The following OTOL1 variants were observed in gnomAD, a reference collection of about 807,000 sequenced individuals.
The protein encoded by OTOL1 is otolin-1.
OTOL1 carries 31 observed loss-of-function variants against 25.0 expected under a neutral mutation model. The observed-to-expected ratio is 1.24, with a 90% confidence interval of 0.93 to 1.67. The LOEUF is 1.67. Among genes scored for constraint, OTOL1 ranks in the 40% most tolerant of loss-of-function variants. OTOL1 has a pLI of 0.00. For missense variants in OTOL1, 654 were observed against 587.7 expected, an observed-to-expected ratio of 1.11 and a Z score of -1.17; for synonymous variants, 225 against 210.3, an observed-to-expected ratio of 1.07 and a Z score of -0.61.
At chr3:161,499,710 A>ATT (rs1484481822) in intron 2 of OTOL1, among the ~76,000 whole-genome samples, 1 of 152,150 alleles carries the variant, frequency 6.6e-6, no homozygotes. Context: ...GCTAAGAAGA[A>ATT]TTTAATATAT....
chr3:161,500,786 C>T (rs1272126675), intron 2 of OTOL1, among the ~76,000 whole-genome samples: 1 of 152,120 alleles, frequency 6.6e-6, no homozygotes, highest in African/African-American at 2.4e-5. Flanking sequence ...TTCCTGATGG[C>T]CTAAGGTTTA....
At chr3:161,502,543 G>GAGA (rs1370063746) in intron 3 of OTOL1, among the ~76,000 whole-genome samples, 174 bp downstream of exon 3, 1 of 152,124 alleles carries the variant, frequency 6.6e-6, no homozygotes, top group African/African-American at 2.4e-5. Context: ...TAGGAATTTG[G>GAGA]AGACCAGGTA....
Position 161,503,276 on chromosome 3 carries a change from A to G in OTOL1, c.768A>G (p.Lys256=). 7.3e-7 allele frequency: 1 copy of G among 1,374,858 alleles called. No homozygotes were observed. Among genetic ancestry groups the G allele is most frequent in the South Asian group, 1.5e-5 (1 of 68,572 alleles). 85.2% of individuals were successfully genotyped at this position (1,374,858 alleles called of 1,614,324 possible). ...GGGAGAGGGGAGGAAAAGGACAGAA[A>G]GGTGAGGGGGGTATGAAAGGGGAAA... ...DSGERGGKGQ[K]GEGGMKGEKG... The change falls in exon 4 of 4, where the codon AAA becomes AAG. Residue 256 remains lysine (K), a synonymous_variant. Transcript: ENST00000327928.
At chr3:161,500,186 A>G (rs768940214) in intron 2 of OTOL1, among the ~76,000 whole-genome samples, 2 of 152,206 alleles carry the variant, frequency 1.3e-5, no homozygotes, top group African/African-American at 2.4e-5. Flanking sequence ...GGAACTGCCT[A>G]ACTCATTTCT....
Position 161,503,263 on chromosome 3 carries a change from GA to G in OTOL1, c.759del (p.Gly254AspfsTer8). The stretch of plus-strand genomic sequence containing the variant: ...TGTGGAGATTCTGGGGAGAGGGGAG[GA>G]AAAGGACAGAAAGGTGAGGGGGGTA... ...GCCGDSGERGGKGQKGEGGMK... is the reference protein window; with the variant it reads ...GCCGDSGERGXKGQKGEGGMK... On this transcript the variant is annotated frameshift_variant, in exon 4 of 4. Transcript: ENST00000327928. LOFTEE classifies it low-confidence loss of function (END_TRUNC). The G allele has an allele frequency of 1.6e-6, 2 of 1,265,998 alleles. No homozygotes were observed. The highest frequency in any genetic ancestry group is 2.0e-6 in the Non-Finnish European group (2 of 984,968). 78.4% of individuals were successfully genotyped at this position (1,265,998 alleles called of 1,614,324 possible). A position where few individuals can be genotyped will look rare whatever the true frequency, so the allele number is the denominator to read the frequency against.
At chr3:161,502,499 T>C in intron 3 of OTOL1, 130 bp downstream of exon 3, 1 of 797,584 alleles carries the variant, frequency 1.3e-6, no homozygotes, top group South Asian at 1.7e-5. Context: ...CTTCTAATAA[T>C]TCAGTGTACT....
chr3:161,497,313 T>A (rs1718859054), intron 1 of OTOL1, 142 bp downstream of exon 1: 1 of 958,706 alleles, frequency 1.0e-6, no homozygotes. Context: ...GTTACAAATG[T>A]AAATGGGTGC....
At chr3:161,499,622 G>A (rs1365456918) in intron 2 of OTOL1, among the ~76,000 whole-genome samples, 1 of 152,090 alleles carries the variant, frequency 6.6e-6, no homozygotes, top group African/African-American at 2.4e-5. Flanking sequence ...TCCTTTGGAT[G>A]CAAATAATTT....
intron 1 of OTOL1, among the ~76,000 whole-genome samples, chr3:161,498,016 T>C (rs1007236782): frequency 6.6e-6 from 1 of 152,108 alleles, no homozygotes; most frequent in South Asian, 2.1e-4. Flanking sequence ...CATCCCTTTG[T>C]AGGGACCTTT....
At chr3:161,499,935 A>T (rs549751332) in intron 2 of OTOL1, among the ~76,000 whole-genome samples, 4 of 152,148 alleles carry the variant, frequency 2.6e-5, no homozygotes, top group Admixed American at 2.6e-4. Context: ...CAAGCTCAGA[A>T]ATTCTGTAAT....
chr3:161,496,939 A>T lies in OTOL1; in HGVS notation c.132A>T (p.Leu44=). Residue 44 remains leucine (L), a synonymous_variant, in exon 1 of 4, where the codon CTA becomes CTT. Coordinates refer to ENST00000327928, the MANE Select transcript of OTOL1 (RefSeq NM_001080440.1). ...AGGAAAGAGAGATGCCAAAGGGTCT[A>T]AAGCCATCCAGTGGCCCACCTCCAG... ...KSEEREMPKG[L]KPSSGPPPEE... is the part of the protein sequence containing the mutation. 1 of 1,613,532 alleles carries T rather than the reference A, an allele frequency of 6.2e-7. No homozygotes were observed. Among genetic ancestry groups the T allele is most frequent in the Non-Finnish European group, 8.5e-7 (1 of 1,179,648 alleles).
Position 161,497,058 on chromosome 3 carries a change from T to C in OTOL1, c.251T>C (p.Leu84Pro). 1 of 1,613,740 alleles carries C rather than the reference T, an allele frequency of 6.2e-7. No homozygotes were observed. The highest frequency in any genetic ancestry group is 8.5e-7 in the Non-Finnish European group (1 of 1,179,690). The part of the protein sequence containing the change: ...ALDSVFGTAT[L>P]SPFENFTLDP... ...GATTCTGTCTTTGGCACTGCCACTC[T>C]CTCTCCCTTTGAAAACTTCACTCTT... The change falls in exon 1 of 4, where the codon CTC (leucine) becomes CCC (proline). Residue 84 changes from leucine to proline, a missense_variant. Coordinates refer to ENST00000327928, the MANE Select transcript of OTOL1 (RefSeq NM_001080440.1).
chr3:161,502,677 G>A (rs908273255), intron 3 of OTOL1, among the ~76,000 whole-genome samples: 3 of 152,130 alleles, frequency 2.0e-5, no homozygotes, highest in African/African-American at 4.8e-5. Context: ...TGGGGATTTA[G>A]GGGAATACCT....
chr3:161,497,321 T>A, intron 1 of OTOL1, 150 bp downstream of exon 1: 2 of 887,778 alleles, frequency 2.3e-6, no homozygotes, highest in Non-Finnish European at 3.3e-6. Context: ...TGTAAATGGG[T>A]GCTGTGTTGC....
Position 161,502,289 on chromosome 3 carries a change from A to G in OTOL1, c.455-18A>G. On this transcript the variant is annotated intron_variant, in intron 2 of 3. Coordinates refer to ENST00000327928, the MANE Select transcript of OTOL1 (RefSeq NM_001080440.1). ...AAATGATGTAGTTGGTAAAAAGTTA[A>G]TCTTGGTATCATCTTAGGACTCAAA... 2 of 1,605,938 alleles carry G rather than the reference A, an allele frequency of 1.2e-6. No individual in the cohort carries two copies. Among genetic ancestry groups the G allele is most frequent in the Non-Finnish European group, 1.7e-6 (2 of 1,173,916 alleles).
intron 2 of OTOL1, among the ~76,000 whole-genome samples, chr3:161,500,495 T>TATA (rs1718949417): frequency 6.6e-6 from 1 of 152,230 alleles, no homozygotes; most frequent in Non-Finnish European, 1.5e-5. Context: ...AGCCATTCTT[T>TATA]ATAAAGTAGC....
Position 161,502,316 on chromosome 3 carries a change from G to T in OTOL1, c.464G>T (p.Gly155Val). 1 of 1,613,200 alleles carries T rather than the reference G, an allele frequency of 6.2e-7. No individual in the cohort carries two copies. The highest frequency in any genetic ancestry group is 1.1e-5 in the South Asian group (1 of 90,880). The change falls in exon 3 of 4, where the codon GGA (glycine) becomes GTA (valine). Residue 155 changes from glycine (G) to valine (V), a missense_variant. Gly to Val is a moderately radical substitution (Grantham distance 109, BLOSUM62 -3). Transcript: ENST00000327928. Reference protein sequence around the residue: ...RGYKGEKGLKGERGDQGVPGY... With the variant: ...RGYKGEKGLKVERGDQGVPGY... Reference sequence around the variant, plus strand: ...CTTGGTATCATCTTAGGACTCAAAGGAGAACGTGGGGACCAAGGAGTTCCA... The same window carrying T: ...CTTGGTATCATCTTAGGACTCAAAGTAGAACGTGGGGACCAAGGAGTTCCA...
At chr3:161,498,217 G>C (rs953535905) in intron 1 of OTOL1, among the ~76,000 whole-genome samples, 5 of 152,128 alleles carry the variant, frequency 3.3e-5, no homozygotes, top group African/African-American at 4.8e-5. Flanking sequence ...AATCCCAAGG[G>C]CATGGTCAAG....
intron 2 of OTOL1, among the ~76,000 whole-genome samples, 198 bp from the exon 3 acceptor site, chr3:161,502,109 C>A (rs1242758805): frequency 1.3e-5 from 2 of 152,226 alleles, no homozygotes; most frequent in African/African-American, 4.8e-5. Flanking sequence ...CTCAGGTGAT[C>A]CACCCGCCTC....
Sources: allele counts gnomAD v4.1 joint callset (sites outside exome capture counted in the v4.1 genomes callset), GRCh38; gene constraint gnomAD v4.1.1; transcripts MANE v1.5; gene names NCBI Gene and HGNC (gene_info 2026-07-23, HGNC 2026-07-21).